Variants in TIAM1 observed in about 807,000 individuals in gnomAD.
The protein encoded by TIAM1 is rho guanine nucleotide exchange factor TIAM1.
A neutral mutation model predicts 163.5 loss-of-function variants in TIAM1; 65 were observed. The observed-to-expected ratio is 0.40, with a 90% confidence interval of 0.33 to 0.49. The LOEUF is 0.49. Ranked by LOEUF, TIAM1 falls within the 20% of genes least tolerant of loss-of-function variation. TIAM1 has a pLI of 0.77. For synonymous variants in TIAM1, 833 were observed against 810.1 expected (o/e 1.03, Z -0.48); for missense variants, 1,789 against 2,044.7 (o/e 0.87, Z 2.41).
intron 16 of TIAM1, among the ~76,000 whole-genome samples, chr21:31,157,886 G>A (rs2083704302): frequency 6.6e-6 from 1 of 152,184 alleles, no homozygotes; most frequent in African/African-American, 2.4e-5. Flanking sequence ...CAAACTGTGT[G>A]AAATCGTGAT....
chr21:31,251,704 G>A (rs1368893907), intron 5 of TIAM1, 38 bp downstream of exon 5: 8 of 1,536,420 alleles, frequency 5.2e-6, no homozygotes, highest in African/African-American at 2.7e-5. Flanking sequence ...ACCTCTATTG[G>A]TGCATTTGGC....
At chr21:31,314,245 A>G (rs2075029589) in intron 2 of TIAM1, among the ~76,000 whole-genome samples, 1 of 152,168 alleles carries the variant, frequency 6.6e-6, no homozygotes. Flanking sequence ...TGGCAAGGAT[A>G]TATTTTTTTT....
chr21:31,232,325 G>A (rs915544193), intron 6 of TIAM1, among the ~76,000 whole-genome samples: 17 of 152,108 alleles, frequency 1.1e-4, no homozygotes, highest in African/African-American at 4.1e-4. Flanking sequence ...AGTTCCATTA[G>A]AGAGAACTTT....
chr21:31,446,609 G>T (rs1421254321), intron 2 of TIAM1, among the ~76,000 whole-genome samples: 3 of 152,164 alleles, frequency 2.0e-5, no homozygotes, highest in African/African-American at 7.2e-5. Flanking sequence ...AGAAGGCAAA[G>T]AAAACAGAAA....
chr21:31,518,918 AG>A (rs2047472718), intron 1 of TIAM1, among the ~76,000 whole-genome samples: 1 of 152,206 alleles, frequency 6.6e-6, no homozygotes, highest in Non-Finnish European at 1.5e-5. Flanking sequence ...TTCAAATAAA[AG>A]ACAAATGGCT....
intron 5 of TIAM1, among the ~76,000 whole-genome samples, chr21:31,249,617 G>A (rs189102845): frequency 1.4e-4 from 22 of 152,250 alleles, no homozygotes; most frequent in African/African-American, 5.3e-4. Context: ...GCGTCCAGAG[G>A]TGTGCCCATC....
chr21:31,336,485 T>C (rs1349140389), intron 2 of TIAM1, among the ~76,000 whole-genome samples: 1 of 133,038 alleles, frequency 7.5e-6, no homozygotes, highest in Non-Finnish European at 1.5e-5. Flanking sequence ...GAATTGCCCC[T>C]TGCTTTTTTT....
chr21:31,412,406 C>G (rs1002118666), intron 2 of TIAM1, among the ~76,000 whole-genome samples: 2 of 151,950 alleles, frequency 1.3e-5, no homozygotes, highest in African/African-American at 4.8e-5. Context: ...TCATGGAAGA[C>G]AGTTTTTCCA....
At chr21:31,301,876 A>AAT (rs555304502) in intron 2 of TIAM1, among the ~76,000 whole-genome samples, 16 of 148,264 alleles carry the variant, frequency 1.1e-4, no homozygotes, top group Non-Finnish European at 1.8e-4. Context: ...AAATAAATAA[A>AAT]ATATATATAA....
At chr21:31,492,776 T>TACACACACACACACAC (rs3055373) in intron 1 of TIAM1, among the ~76,000 whole-genome samples, 5 of 139,788 alleles carry the variant, frequency 3.6e-5, no homozygotes, top group South Asian at 2.5e-4. Flanking sequence ...TATTTTGGGT[T>TACACACACACACACAC]ACACACACAC....
chr21:31,394,726 TCTCACA>T (rs1266988151), intron 2 of TIAM1, among the ~76,000 whole-genome samples: 375 of 81,614 alleles, frequency 4.6e-3, no homozygotes, highest in African/African-American at 0.016. Flanking sequence ...TCTCTCTCTC[TCTCACA>T]CACACACACA....
rs1305551322 is a variant in TIAM1, at chr21:31,430,226, ATATAT to A, written c.-369+33752_-369+33756del. On this transcript the variant is annotated intron_variant, in intron 2 of 28. Transcript: ENST00000286827. ...CATCTCAAAGAAAAAAAAAAAAAAAATATATATATATATATATATATACACACACA... is the reference window on the plus strand; with the variant it reads ...CATCTCAAAGAAAAAAAAAAAAAAAAATATATATATATATATACACACACA... Among the ~76,000 whole-genome samples, 678 of 68,180 alleles carry A rather than the reference ATATAT, an allele frequency of 9.9e-3. 11 individuals are homozygous for A. The highest frequency in any genetic ancestry group is 0.057 in the African/African-American group (646 of 11,352). The allele number at this position is 68,180 out of a possible 152,430, so 44.7% of individuals were successfully genotyped here.
At chr21:31,429,693 C>A (rs115389390) in intron 2 of TIAM1, among the ~76,000 whole-genome samples, 2,768 of 152,214 alleles carry the variant, frequency 0.018, 74 homozygotes, top group African/African-American at 0.064. Flanking sequence ...CAGCCTCCCA[C>A]AGTCCCTTGG....
intron 1 of TIAM1, among the ~76,000 whole-genome samples, chr21:31,549,149 C>CT (rs570080181): frequency 7.7e-4 from 117 of 152,058 alleles, no homozygotes; most frequent in Non-Finnish European, 1.4e-3. Flanking sequence ...CAAAGTTTTG[C>CT]TTTTTTTAAG....
chr21:31,296,078 C>A (rs1464238454), intron 2 of TIAM1, among the ~76,000 whole-genome samples: 1 of 152,130 alleles, frequency 6.6e-6, no homozygotes, highest in African/African-American at 2.4e-5. Flanking sequence ...GGATTACAGG[C>A]GTGAGCCACC....
intron 3 of TIAM1, among the ~76,000 whole-genome samples, chr21:31,268,762 T>C (rs946024639): frequency 6.6e-6 from 1 of 152,234 alleles, no homozygotes; most frequent in Non-Finnish European, 1.5e-5. Context: ...ATTTATATTA[T>C]CTAAATTCCT....
At chr21:31,487,574 G>A (rs1433555291) in intron 1 of TIAM1, among the ~76,000 whole-genome samples, 13 of 128,786 alleles carry the variant, frequency 1.0e-4, no homozygotes, top group African/African-American at 3.6e-4. Flanking sequence ...TTTTTGAGAC[G>A]GAGTCTCGCT....
chr21:31,388,468 C>T (rs1188325777), intron 2 of TIAM1, among the ~76,000 whole-genome samples: 1 of 150,104 alleles, frequency 6.7e-6, no homozygotes, highest in African/African-American at 2.5e-5. Context: ...AAGCAACACC[C>T]CATCTCTACA....
At chr21:31,146,670 C>T (rs1016396642) in intron 20 of TIAM1, among the ~76,000 whole-genome samples, 10 of 146,002 alleles carry the variant, frequency 6.8e-5, no homozygotes, top group African/African-American at 2.6e-4. Flanking sequence ...AAGATCGTGC[C>T]ACTGCACTCC....
Sources: gnomAD v4.1 joint callset for allele counts (sites outside exome capture counted in the v4.1 genomes callset) on GRCh38, gnomAD v4.1.1 for gene constraint, MANE v1.5 for transcripts, NCBI Gene and HGNC (gene_info 2026-07-23, HGNC 2026-07-21) for gene names.